The following GDA variants were observed in gnomAD, a reference collection of about 807,000 sequenced individuals.
The protein encoded by GDA is guanine deaminase.
A neutral mutation model predicts 59.6 loss-of-function variants in GDA; 18 were observed. The ratio of observed to expected loss-of-function variants is 0.30; its 90% CI spans 0.21 to 0.45. The LOEUF is 0.45. Among genes scored for constraint, GDA ranks in the 20% least tolerant of loss-of-function variants. GDA has a pLI of 1.00. For missense variants in GDA, 427 were observed against 552.3 expected (o/e 0.77, Z 2.27); for synonymous variants, 201 against 201.1 (o/e 1.00, Z 0.00).
intron 5 of GDA, among the ~76,000 whole-genome samples, chr9:72,218,778 T>C (rs1836474219): frequency 6.6e-6 from 1 of 152,220 alleles, no homozygotes; most frequent in Non-Finnish European, 1.5e-5. Context: ...GTAAAGAGCT[T>C]CATGGCTTCT....
At chr9:72,183,151 G>A (rs11143152) in intron 1 of GDA, among the ~76,000 whole-genome samples, 23,088 of 152,068 alleles carry the variant, frequency 0.15, 1,817 homozygotes, top group Middle Eastern at 0.19. Flanking sequence ...GGTGCTGATT[G>A]CATCTGGGTT....
chr9:72,123,467 G>A (rs1277013898), intron 1 of GDA, among the ~76,000 whole-genome samples: 2 of 142,744 alleles, frequency 1.4e-5, no homozygotes, highest in Non-Finnish European at 3.0e-5. Flanking sequence ...ACAGGCGTAA[G>A]CCACCATGCC....
chr9:72,197,311 G>T (rs1833313528), intron 2 of GDA, among the ~76,000 whole-genome samples: 1 of 152,172 alleles, frequency 6.6e-6, no homozygotes, highest in Non-Finnish European at 1.5e-5. Context: ...CTCTCTATGG[G>T]CTTGGAAGTG....
At chr9:72,120,436 C>T (rs904711296) in intron 1 of GDA, among the ~76,000 whole-genome samples, 5 of 152,134 alleles carry the variant, frequency 3.3e-5, no homozygotes, top group East Asian at 3.9e-4. Flanking sequence ...TCAGTTGATC[C>T]GCCCGCCTCA....
At chr9:72,159,750 T>C (rs1828376909) in intron 1 of GDA, among the ~76,000 whole-genome samples, 1 of 152,166 alleles carries the variant, frequency 6.6e-6, no homozygotes, top group Non-Finnish European at 1.5e-5. Flanking sequence ...AAATAATTAC[T>C]TTTGTAGATT....
chr9:72,131,297 C>T (rs911169169), intron 1 of GDA, among the ~76,000 whole-genome samples: 10 of 152,112 alleles, frequency 6.6e-5, no homozygotes, highest in Non-Finnish European at 1.3e-4. Context: ...AAAATGGGCA[C>T]GGACACAGGG....
chr9:72,126,077 C>T (rs1460742041), intron 1 of GDA, among the ~76,000 whole-genome samples: 4 of 151,942 alleles, frequency 2.6e-5, no homozygotes, highest in Non-Finnish European at 5.9e-5. Flanking sequence ...CCACTACACC[C>T]GGCTAATTTT....
chr9:72,128,575 T>C, intron 1 of GDA, among the ~76,000 whole-genome samples: 1 of 152,192 alleles, frequency 6.6e-6, no homozygotes, highest in East Asian at 1.9e-4. Flanking sequence ...ATGTAACATA[T>C]ATATAATATC....
intron 1 of GDA, among the ~76,000 whole-genome samples, chr9:72,166,960 A>G (rs149705354): frequency 6.6e-6 from 1 of 152,306 alleles, no homozygotes; most frequent in East Asian, 1.9e-4. Flanking sequence ...TATTTTCTCT[A>G]CCAGAAACTA....
intron 1 of GDA, among the ~76,000 whole-genome samples, chr9:72,123,185 CTTT>C (rs530381322): frequency 1.5e-4 from 19 of 126,128 alleles, no homozygotes; most frequent in Non-Finnish European, 2.3e-4. Context: ...TTTTTCTTCC[CTTT>C]TTTTTTTTTT....
At chr9:72,199,764 C>T (rs1833702957) in intron 2 of GDA, among the ~76,000 whole-genome samples, 1 of 152,250 alleles carries the variant, frequency 6.6e-6, no homozygotes, top group South Asian at 2.1e-4. Context: ...CTGCCCTGCT[C>T]CTTCTTGAAT....
chr9:72,189,106 T>C (rs145827851), intron 1 of GDA, among the ~76,000 whole-genome samples: 1 of 150,078 alleles, frequency 6.7e-6, no homozygotes, highest in Non-Finnish European at 1.5e-5. Context: ...TGTAGGAATA[T>C]GCCTATGGAT....
chr9:72,118,917 T>C (rs1340811328), intron 1 of GDA, among the ~76,000 whole-genome samples: 1 of 152,210 alleles, frequency 6.6e-6, no homozygotes, highest in Non-Finnish European at 1.5e-5. Context: ...TTTGTCCCAC[T>C]TGAGTATTCC....
At chr9:72,168,390 C>CT (rs77778231) in intron 1 of GDA, among the ~76,000 whole-genome samples, 51,421 of 105,936 alleles carry the variant, frequency 0.49, 14,002 homozygotes, top group Non-Finnish European at 0.58. Context: ...GAGACTTTGT[C>CT]TTTTTTTTTT....
At chr9:72,140,818 C>T (rs1826414082) in intron 1 of GDA, among the ~76,000 whole-genome samples, 1 of 152,134 alleles carries the variant, frequency 6.6e-6, no homozygotes, top group Non-Finnish European at 1.5e-5. Flanking sequence ...TCCATGTAGT[C>T]TGTAGTCTGA....
intron 1 of GDA, among the ~76,000 whole-genome samples, chr9:72,183,620 C>T (rs1254980315): frequency 6.6e-6 from 1 of 152,170 alleles, no homozygotes; most frequent in Non-Finnish European, 1.5e-5. Flanking sequence ...GATTTATTAC[C>T]TGCCAGATGC....
intron 1 of GDA, among the ~76,000 whole-genome samples, chr9:72,164,370 G>A (rs900147796): frequency 3.3e-5 from 5 of 152,154 alleles, no homozygotes; most frequent in African/African-American, 4.8e-5. Context: ...TGAGACATAA[G>A]AACAACACTG....
chr9:72,134,049 G>A (rs1228847859), intron 1 of GDA, among the ~76,000 whole-genome samples: 3 of 152,144 alleles, frequency 2.0e-5, no homozygotes, highest in African/African-American at 7.2e-5. Context: ...ATCATTGGTG[G>A]GACAAACATC....
At chr9:72,180,252 G>A (rs1831021821) in intron 1 of GDA, among the ~76,000 whole-genome samples, 1 of 152,118 alleles carries the variant, frequency 6.6e-6, no homozygotes, top group African/African-American at 2.4e-5. Flanking sequence ...AGCCACTGAG[G>A]AGGCTGAGGC....
Sources: allele counts gnomAD v4.1 joint callset (sites outside exome capture counted in the v4.1 genomes callset), GRCh38; gene constraint gnomAD v4.1.1; transcripts MANE v1.5; gene names NCBI Gene and HGNC (gene_info 2026-07-23, HGNC 2026-07-21).